The following PFKL variants were observed in gnomAD, a reference collection of about 807,000 sequenced individuals.
PFKL encodes the protein ATP-dependent 6-phosphofructokinase, liver type.
PFKL carries 74 observed loss-of-function variants against 92.1 expected under a neutral mutation model. The observed-to-expected ratio is 0.80, with a 90% CI of 0.67 to 0.97. The LOEUF (loss-of-function observed/expected upper bound fraction) is 0.97. PFKL is among the 50% of genes least tolerant of loss of function. PFKL has a pLI of 0.00. For missense variants in PFKL, 1,028 were observed against 1,116.6 expected, an observed-to-expected ratio of 0.92 and a Z score of 1.13; for synonymous variants, 494 against 456.4, an observed-to-expected ratio of 1.08 and a Z score of -1.05.
chr21:44,303,441 A>AAAAAAAAAAAAGACTGGATCG (rs1555874966), intron 1 of PFKL, among the ~76,000 whole-genome samples: 1 of 97,096 alleles, frequency 1.0e-5, no homozygotes, highest in Non-Finnish European at 1.9e-5. Context: ...ACCAAAAAAA[A>AAAAAAAAAAAAGACTGGATCG]AAAAAAAAAA....
At chr21:44,322,052 GC>G in intron 13 of PFKL, 80 bp from the exon 14 acceptor site, 3 of 1,498,892 alleles carry the variant, frequency 2.0e-6, no homozygotes, top group South Asian at 1.3e-5. Context: ...ACACTGGCTG[GC>G]CCCCGGGCAC....
At chr21:44,323,950 C>G in intron 16 of PFKL, 32 bp downstream of exon 16, 1 of 1,611,394 alleles carries the variant, frequency 6.2e-7, no homozygotes, top group Non-Finnish European at 8.5e-7. Context: ...GCCTGCCATG[C>G]CCAGGCCCTT....
At chr21:44,311,466 G>C (rs1568950213) in intron 3 of PFKL, among the ~76,000 whole-genome samples, 1 of 151,940 alleles carries the variant, frequency 6.6e-6, no homozygotes, top group Non-Finnish European at 1.5e-5. Flanking sequence ...AGATACACAC[G>C]TAGACACACA....
chr21:44,325,456 G>A (rs753767073), intron 19 of PFKL, 192 bp downstream of exon 19: 3 of 593,474 alleles, frequency 5.1e-6, no homozygotes, highest in Non-Finnish European at 9.0e-6. Context: ...AAGGGGTGGG[G>A]CTGGGGCTGG....
At chr21:44,315,537 G>T (rs1243582248) in intron 7 of PFKL, 1 of 152,938 alleles carries the variant, frequency 6.5e-6, no homozygotes. Context: ...AGGCATTGTG[G>T]CCCGTGGTGG....
At chr21:44,306,618 G>GGT (rs2040953473) in intron 1 of PFKL, 63 bp from the exon 2 acceptor site, 5 of 1,454,388 alleles carry the variant, frequency 3.4e-6, no homozygotes, top group South Asian at 2.4e-5. Context: ...CTCTGAGATG[G>GGT]GGAGGGTGTC....
intron 1 of PFKL, among the ~76,000 whole-genome samples, chr21:44,305,639 G>A (rs1200404178): frequency 2.0e-5 from 3 of 152,202 alleles, no homozygotes; most frequent in African/African-American, 7.2e-5. Flanking sequence ...CTGGCCGCTG[G>A]CGTGGGTTTC....
chr21:44,313,937 G>A lies in PFKL; in HGVS notation c.663G>A (p.Leu221=). The A allele has an allele frequency of 6.2e-7, 1 of 1,603,120 alleles. No homozygotes were observed. Among genetic ancestry groups the A allele is most frequent in the Non-Finnish European group, 8.5e-7 (1 of 1,176,686 alleles). The change falls in exon 7 of 22, where the codon CTG becomes CTA. Residue 221 remains leucine, a synonymous_variant. Coordinates refer to ENST00000349048, the MANE Select transcript of PFKL (RefSeq NM_002626.6). ...HCGYLALVSA[L]ASGADWLFIP... The stretch of plus-strand genomic sequence containing the variant: ...GGTACCTGGCGCTGGTATCTGCACT[G>A]GCCTCAGGGGCCGACTGGCTGTTCA...
chr21:44,301,601 G>GC (rs771692663), intron 1 of PFKL, among the ~76,000 whole-genome samples: 5 of 152,182 alleles, frequency 3.3e-5, no homozygotes, highest in Non-Finnish European at 7.4e-5. Context: ...GGGAGAGGAG[G>GC]CCCGTGGCCT....
chr21:44,304,701 G>A (rs548963010), intron 1 of PFKL, among the ~76,000 whole-genome samples: 2 of 124,798 alleles, frequency 1.6e-5, no homozygotes, highest in African/African-American at 3.0e-5. Flanking sequence ...GGGGGGGCTC[G>A]GCTGTCTGTC....
rs2047445987 is a variant in PFKL, at chr21:44,324,561, G to T, written c.1721G>T (p.Gly574Val). The T allele has an allele frequency of 2.5e-6, 4 of 1,613,328 alleles. No individual in the cohort carries two copies. The highest frequency in any genetic ancestry group is 2.5e-6 in the Non-Finnish European group (3 of 1,179,874). The change falls in exon 17 of 22, where the codon GGT becomes GTT. Residue 574 changes from glycine (G) to valine (V), a missense_variant. Gly to Val is a moderately radical substitution (Grantham distance 109). Transcript: ENST00000349048. ...GTGTTCATCGTGGAGACCATGGGGGGTTACTGTGGCTACCTGGCCACCGTG... is the reference window on the plus strand; with the variant it reads ...GTGTTCATCGTGGAGACCATGGGGGTTTACTGTGGCTACCTGGCCACCGTG... The part of the protein sequence containing the change: ...RRVFIVETMG[G>V]YCGYLATVTG...
At chr21:44,304,286 A>G (rs1162548453) in intron 1 of PFKL, 1 of 1,289,038 alleles carries the variant, frequency 7.8e-7, no homozygotes, top group Non-Finnish European at 1.0e-6. Flanking sequence ...TCCCCTGACA[A>G]GCCCACCAGG....
At chr21:44,309,279 G>C (rs145112215) in intron 2 of PFKL, among the ~76,000 whole-genome samples, 12 of 152,134 alleles carry the variant, frequency 7.9e-5, no homozygotes, top group Non-Finnish European at 1.8e-4. Flanking sequence ...TCTCAGTTCT[G>C]ACACAAAGGA....
At chr21:44,318,856 C>T (rs772545738) in intron 10 of PFKL, among the ~76,000 whole-genome samples, 15 of 152,182 alleles carry the variant, frequency 9.9e-5, no homozygotes, top group African/African-American at 1.7e-4. Flanking sequence ...CAGGGGTCCA[C>T]GGCCACTGAG....
At position 44,324,502 on chromosome 21, in the gene PFKL, C is replaced by T. The variant is rs778398144; in HGVS notation, c.1662C>T (p.Arg554=). Residue 554 remains arginine, a synonymous_variant, in exon 17 of 22, where the codon CGC becomes CGT. Coordinates refer to ENST00000349048, the MANE Select transcript of PFKL (RefSeq NM_002626.6). ...AVNAAMESCD[R]IKQSASGTKR... ...CCCTTGTCCCCCAGAGCTGTGACCG[C>T]ATCAAACAGTCTGCCTCGGGGACCA... 3 of 1,613,272 alleles carry T rather than the reference C, an allele frequency of 1.9e-6. No individual in the cohort carries two copies. The highest frequency in any genetic ancestry group is 1.3e-5 in the African/African-American group (1 of 75,006).
chr21:44,312,889 C>A, intron 4 of PFKL, 89 bp from the exon 5 acceptor site: 1 of 1,408,880 alleles, frequency 7.1e-7, no homozygotes, highest in Non-Finnish European at 9.8e-7. Flanking sequence ...GCCTGGGATG[C>A]GGGGGAAGGG....
At chr21:44,306,250 C>T (rs62220383) in intron 1 of PFKL, among the ~76,000 whole-genome samples, 23,583 of 152,102 alleles carry the variant, frequency 0.16, 1,976 homozygotes, top group East Asian at 0.37. Context: ...GTTGGGGCGG[C>T]GGGGTGTGGA....
At position 44,326,368 on chromosome 21, in the gene PFKL, C is replaced by T. The variant is rs1043553693; in HGVS notation, c.2195+104C>T. 4.7e-5 allele frequency: 40 copies of T among 857,422 alleles called. 1 individual carries two copies. The highest frequency in any genetic ancestry group is 6.5e-5 in the South Asian group (4 of 61,246). 53.1% of individuals were successfully genotyped at this position (857,422 alleles called of 1,614,324 possible). On this transcript the variant is annotated intron_variant, in intron 21 of 21. Transcript: ENST00000349048. ...CCCAGCCCCACTGGCACCCTGACCCCGCAAGGCCTCCTGGGCCCCCATGCC... is the reference window on the plus strand; with the variant it reads ...CCCAGCCCCACTGGCACCCTGACCCTGCAAGGCCTCCTGGGCCCCCATGCC...
Position 44,324,848 on chromosome 21 carries a change from T to G in PFKL, c.1816-8T>G. On this transcript the variant is annotated splice_polypyrimidine_tract_variant and splice_region_variant and intron_variant, in intron 17 of 21. Coordinates refer to ENST00000349048, the MANE Select transcript of PFKL (RefSeq NM_002626.6). ...CCTCCGGCTCATCCGTGTCCGCCCC[T>G]CCCGCAGGTCAACGTGGAGCACATG... The G allele has an allele frequency of 6.2e-7, 1 of 1,605,866 alleles. No individual in the cohort carries two copies. The highest frequency in any genetic ancestry group is 1.3e-5 in the African/African-American group (1 of 74,854).
Sources: allele counts gnomAD v4.1 joint callset (sites outside exome capture counted in the v4.1 genomes callset), GRCh38; gene constraint gnomAD v4.1.1; transcripts MANE v1.5; gene names NCBI Gene and HGNC (gene_info 2026-07-23, HGNC 2026-07-21).